Variants in ABCA3 observed in about 807,000 individuals in gnomAD.
The protein encoded by ABCA3 is phospholipid-transporting ATPase ABCA3.
ABCA3 carries 88 observed loss-of-function variants against 172.8 expected under a neutral mutation model. That is an observed-to-expected ratio of 0.51 (90% CI 0.43 to 0.61). The LOEUF is 0.61. ABCA3 is among the 20% of genes least tolerant of loss of function. ABCA3 has a pLI of 0.00. For missense variants in ABCA3, 2,164 were observed against 2,301.0 expected, an observed-to-expected ratio of 0.94 and a Z score of 1.22; for synonymous variants, 1,066 against 983.8, an observed-to-expected ratio of 1.08 and a Z score of -1.56.
chr16:2,281,493 C>T lies in ABCA3; in HGVS notation c.4052G>A (p.Arg1351Gln), dbSNP rs768922296. ...TTGGTCCTCAGGAAGCACAGGCATC[C>T]GGGTGTATAATTCTGTCTGATTGAC... Reference protein sequence around the residue: ...RRRTLTELYTRMPVLPEDQDV... With the variant: ...RRRTLTELYTQMPVLPEDQDV... Residue 1351 changes from arginine (R) to glutamine (Q), a missense_variant, in exon 27 of 33, where the codon CGG (arginine) becomes CAG (glutamine). This residue lies in a region of ABCA3 where 795 missense variants were observed against 881.9 expected (regional missense o/e 0.90). Coordinates refer to ENST00000301732, the MANE Select transcript of ABCA3 (RefSeq NM_001089.3). This position sits in a 1 kb window ranked among gnomAD's most constrained non-coding sequence, Gnocchi z 4.7. The T allele has an allele frequency of 1.4e-5, 21 of 1,474,486 alleles. No individual in the cohort carries two copies. Among genetic ancestry groups the T allele is most frequent in the African/African-American group, 5.8e-5 (4 of 69,186 alleles). 91.3% of individuals were successfully genotyped at this position (1,474,486 alleles called of 1,614,324 possible). A position where few individuals can be genotyped will look rare whatever the true frequency, so the allele number is the denominator to read the frequency against.
intron 1 of ABCA3, chr16:2,332,565 A>T (rs2093745050): frequency 8.1e-7 from 1 of 1,241,614 alleles, no homozygotes; most frequent in Non-Finnish European, 1.2e-6. Flanking sequence ...CCACACCAGC[A>T]AATCGCTCCT....
intron 19 of ABCA3, among the ~76,000 whole-genome samples, chr16:2,290,802 T>G (rs953663518): frequency 6.6e-6 from 1 of 152,186 alleles, no homozygotes; most frequent in South Asian, 2.1e-4. Context: ...ATGTCCTGCA[T>G]GTATGATCAC....
Position 2,284,929 on chromosome 16 carries a change from G to A in ABCA3, c.3553C>T (p.Leu1185Phe). 6.2e-7 allele frequency: 1 copy of A among 1,613,970 alleles called. No individual in the cohort carries two copies. The highest frequency in any genetic ancestry group is 8.5e-7 in the Non-Finnish European group (1 of 1,180,016). ...DGHMADTLLL[L>F]LLYGWAIIPL... ...ATGATGGCCCAGCCGTAGAGCAGGA[G>A]CAGCAGCAGGGTGTCAGCCATGTGG... Residue 1185 changes from leucine (L) to phenylalanine (F), a missense_variant, in exon 24 of 33, where the codon CTC becomes TTC. Leu to Phe is a conservative substitution (Grantham distance 22). Around this residue, in one of 3 missense-constraint regions of ABCA3, gnomAD observed 795 missense variants for 881.9 expected, o/e 0.90. Coordinates refer to ENST00000301732, the MANE Select transcript of ABCA3 (RefSeq NM_001089.3). The surrounding 1 kb of genome is among the most constrained non-coding windows in gnomAD (Gnocchi z 5.9).
At chr16:2,294,850 G>A (rs934288489) in intron 18 of ABCA3, among the ~76,000 whole-genome samples, 2 of 152,070 alleles carry the variant, frequency 1.3e-5, no homozygotes, top group African/African-American at 4.8e-5. Flanking sequence ...GGGTGTGGTG[G>A]TGCACGCCTG....
At chr16:2,328,130 A>G (rs949034877) in intron 3 of ABCA3, among the ~76,000 whole-genome samples, 2 of 152,148 alleles carry the variant, frequency 1.3e-5, no homozygotes. Context: ...TGGGGAAAAA[A>G]ATCTGCCAAA....
Position 2,286,302 on chromosome 16 carries a change from G to A in ABCA3, c.3278+392C>T, listed in dbSNP as rs1243116018. Among the ~76,000 whole-genome samples the A allele has an allele frequency of 6.6e-6, 1 of 152,246 alleles. No individual in the cohort carries two copies. Among genetic ancestry groups the A allele is most frequent in the Non-Finnish European group, 1.5e-5 (1 of 68,032 alleles). ...CCGACGTGCGGCCATCTGAGGAACA[G>A]GGACGGCAGTTCTTGCCAAGTCCTG... On this transcript the variant is annotated intron_variant, in intron 22 of 32. Transcript: ENST00000301732. The surrounding 1 kb of genome is among the most constrained non-coding windows in gnomAD (Gnocchi z 5.2).
rs2141738602 is a variant in ABCA3, at chr16:2,324,476, G to C, written c.375C>G (p.Cys125Trp). 6.2e-7 allele frequency: 1 copy of C among 1,610,722 alleles called. No individual in the cohort carries two copies. The highest frequency in any genetic ancestry group is 8.5e-7 in the Non-Finnish European group (1 of 1,179,944). The change falls in exon 6 of 33, where the codon TGC (cysteine) becomes TGG (tryptophan). Residue 125 changes from cysteine to tryptophan, a missense_variant. By Grantham distance (215) the Cys-to-Trp change is radical. This residue lies in a region of ABCA3 where 1,343 missense variants were observed against 1,369.6 expected (regional missense o/e 0.98). Coordinates refer to ENST00000301732, the MANE Select transcript of ABCA3 (RefSeq NM_001089.3). ...CCACGGCGGCCAGCACGCTGGACGA[G>C]CAGTTGTCGTACCTAATGTAGTCCT... ...DFEDYIRYDN[C>W]SSSVLAAVVF... is the part of the protein sequence containing the mutation.
intron 11 of ABCA3, among the ~76,000 whole-genome samples, chr16:2,307,004 G>C (rs1173659842): frequency 1.7e-5 from 2 of 115,994 alleles, no homozygotes; most frequent in African/African-American, 6.8e-5. Context: ...GAAAGAGTGA[G>C]AGACTCCGTC....
chr16:2,281,668 T>C lies in ABCA3; in HGVS notation c.4036-159A>G, dbSNP rs1256829452. 6.6e-6 allele frequency among the ~76,000 whole-genome samples: 1 copy of C among 152,082 alleles called. No individual in the cohort carries two copies. Among genetic ancestry groups the C allele is most frequent in the Non-Finnish European group, 1.5e-5 (1 of 68,012 alleles). On this transcript the variant is annotated intron_variant, in intron 26 of 32. Coordinates refer to ENST00000301732, the MANE Select transcript of ABCA3 (RefSeq NM_001089.3). This position sits in a 1 kb window ranked among gnomAD's most constrained non-coding sequence, Gnocchi z 4.7. ...GCCCCACAGGTGCGACTCAGACCTTTTACTAGAAGACACAGTGGTCTTACG... is the reference window on the plus strand; with the variant it reads ...GCCCCACAGGTGCGACTCAGACCTTCTACTAGAAGACACAGTGGTCTTACG...
chr16:2,304,939 C>T (rs970608095), intron 11 of ABCA3, among the ~76,000 whole-genome samples: 4 of 151,316 alleles, frequency 2.6e-5, no homozygotes, highest in East Asian at 2.0e-4. Flanking sequence ...CCTCCCAAAG[C>T]GCTGGGATTA....
chr16:2,325,972 C>G, intron 5 of ABCA3, 38 bp downstream of exon 5: 1 of 1,610,756 alleles, frequency 6.2e-7, no homozygotes. Context: ...CGTGGAGGCA[C>G]CACTAGGCCT....
At chr16:2,331,177 C>T (rs943323942) in intron 1 of ABCA3, among the ~76,000 whole-genome samples, 2 of 152,062 alleles carry the variant, frequency 1.3e-5, no homozygotes, top group Non-Finnish European at 2.9e-5. Context: ...AAAAAAGACC[C>T]CTAAGCCCCA....
intron 12 of ABCA3, among the ~76,000 whole-genome samples, chr16:2,302,427 A>G (rs1487424314): frequency 1.3e-5 from 2 of 152,084 alleles, no homozygotes; most frequent in African/African-American, 4.8e-5. Context: ...TGTATTTAAG[A>G]TATCTGAGTT....
chr16:2,331,943 C>T (rs1369705141), intron 1 of ABCA3, among the ~76,000 whole-genome samples: 2 of 152,162 alleles, frequency 1.3e-5, no homozygotes, highest in African/African-American at 4.8e-5. Flanking sequence ...AACCTTTTCC[C>T]CTCTCTATAA....
At position 2,284,520 on chromosome 16, in the gene ABCA3, G is replaced by C; in HGVS notation, c.3704-83C>G. ...GACGGGCCTGGTCAGGGCGGGCACAGGGCCTTATCCGTGCTGTGTGGAGTG... is the reference window on the plus strand; with the variant it reads ...GACGGGCCTGGTCAGGGCGGGCACACGGCCTTATCCGTGCTGTGTGGAGTG... On this transcript the variant is annotated intron_variant, in intron 24 of 32. Transcript: ENST00000301732. This position sits in a 1 kb window ranked among gnomAD's most constrained non-coding sequence, Gnocchi z 5.9. 4 of 1,572,882 alleles carry C rather than the reference G, an allele frequency of 2.5e-6. No homozygotes were observed. The highest frequency in any genetic ancestry group is 3.5e-6 in the Non-Finnish European group (4 of 1,145,528).
At position 2,286,956 on chromosome 16, in the gene ABCA3, C is replaced by A; in HGVS notation, c.3016G>T (p.Glu1006Ter). The change falls in exon 22 of 33, where the codon GAG (glutamate) becomes TAG (stop). Residue 1006 changes from glutamate to a stop codon, truncating the protein, a stop_gained. Transcript: ENST00000301732. LOFTEE classifies it high-confidence loss of function. This position sits in a 1 kb window ranked among gnomAD's most constrained non-coding sequence, Gnocchi z 5.2. ...EPREVLGDLE[E>*]FLIFRASVEG... is the part of the protein sequence containing the mutation. ...ACAGAAGCCCTGAAGATCAAGAACTCCTCCAGGTCACCTGGGGAGCAATGG... is the reference window on the plus strand; with the variant it reads ...ACAGAAGCCCTGAAGATCAAGAACTACTCCAGGTCACCTGGGGAGCAATGG... 1 of 1,613,358 alleles carries A rather than the reference C, an allele frequency of 6.2e-7. No homozygotes were observed. Among genetic ancestry groups the A allele is most frequent in the Non-Finnish European group, 8.5e-7 (1 of 1,179,864 alleles).
At chr16:2,300,358 T>C (rs1305154060) in intron 12 of ABCA3, among the ~76,000 whole-genome samples, 1 of 151,932 alleles carries the variant, frequency 6.6e-6, no homozygotes, top group East Asian at 1.9e-4. Context: ...CCTAACCTGG[T>C]AAGTGGGTGT....
At chr16:2,328,237 T>C (rs941832008) in intron 3 of ABCA3, among the ~76,000 whole-genome samples, 4 of 151,984 alleles carry the variant, frequency 2.6e-5, no homozygotes, top group African/African-American at 9.7e-5. Flanking sequence ...ATTTCAAATA[T>C]CAGAAACAGA....
rs2093662251 is a variant in ABCA3 at position 2,285,808 on chromosome 16, C to A, written c.3279-162G>T. ...CACCATGGTTCCATACCGGGAACAT[C>A]TGCCCCCACCGGAGAACGGTTCCTC... On this transcript the variant is annotated intron_variant, in intron 22 of 32. Transcript: ENST00000301732. This position sits in a 1 kb window ranked among gnomAD's most constrained non-coding sequence, Gnocchi z 4.7. Among the ~76,000 whole-genome samples the A allele has an allele frequency of 6.6e-6, 1 of 152,194 alleles. No individual in the cohort carries two copies. The highest frequency in any genetic ancestry group is 2.4e-5 in the African/African-American group (1 of 41,446).
Sources: gnomAD v4.1 joint callset for allele counts (sites outside exome capture counted in the v4.1 genomes callset) on GRCh38, gnomAD v4.1.1 for gene constraint, gnomAD v4.1.1 regional missense constraint, Gnocchi (gnomAD v3.1) non-coding constraint, MANE v1.5 for transcripts, NCBI Gene and HGNC (gene_info 2026-07-23, HGNC 2026-07-21) for gene names.